The following GATM variants were observed in gnomAD, a reference collection of about 807,000 sequenced individuals.
GATM encodes glycine amidinotransferase, mitochondrial.
In GATM, 23 loss-of-function variants were observed where a neutral mutation model predicts 54.2. The ratio of observed to expected loss-of-function variants is 0.42; its 90% CI spans 0.31 to 0.60. The LOEUF is 0.60. GATM is among the 20% of genes least tolerant of loss of function. The pLI is 0.14. For synonymous variants in GATM, 168 were observed against 183.1 expected, an observed-to-expected ratio of 0.92 and a Z score of 0.67; for missense variants, 401 against 544.9, an observed-to-expected ratio of 0.74 and a Z score of 2.63.
chr15:45,368,093 T>C lies in GATM; in HGVS notation c.652A>G (p.Met218Val). 1.2e-6 allele frequency: 2 copies of C among 1,614,134 alleles called. No individual in the cohort carries two copies. The highest frequency in any genetic ancestry group is 1.7e-6 in the Non-Finnish European group (2 of 1,180,010). Residue 218 changes from methionine to valine, a missense_variant, in exon 4 of 9, where the codon ATG becomes GTG. Coordinates refer to ENST00000396659, the MANE Select transcript of GATM (RefSeq NM_001482.3). This position sits in a 1 kb window ranked among gnomAD's most constrained non-coding sequence, Gnocchi z 5.1. The stretch of plus-strand genomic sequence containing the variant: ...ACCTGGTTATAAAGCTCATCAGCCA[T>C]TGTGGGCTTAGGAGCTGTTGTCCAC... ...AKWTTAPKPT[M>V]ADELYNQDYP...
intron 3 of GATM, among the ~76,000 whole-genome samples, chr15:45,386,742 A>C (rs1889807874): frequency 6.6e-6 from 1 of 152,204 alleles, no homozygotes; most frequent in South Asian, 2.1e-4. Context: ...GGAATTGAAG[A>C]AGTAACATTA....
chr15:45,376,111 A>G (rs1346139507), intron 2 of GATM, among the ~76,000 whole-genome samples: 1 of 152,206 alleles, frequency 6.6e-6, no homozygotes, highest in African/African-American at 2.4e-5. Context: ...AAAGGCAGGA[A>G]TGAGGAGGGA....
At chr15:45,382,384 G>T (rs1234880284), upstream of GATM, among the ~76,000 whole-genome samples, 1 of 152,168 alleles carries the variant, frequency 6.6e-6, no homozygotes, top group Non-Finnish European at 1.5e-5. Flanking sequence ...GTATTCTGCT[G>T]GGTGTGGTGG....
At chr15:45,395,798 G>A (rs1207634161) in intron 3 of GATM, among the ~76,000 whole-genome samples, 1 of 152,090 alleles carries the variant, frequency 6.6e-6, no homozygotes, top group Non-Finnish European at 1.5e-5. Context: ...GTACTATAGT[G>A]CTCTGGATGT....
intron 1 of GATM, among the ~76,000 whole-genome samples, chr15:45,400,011 C>A (rs112119316): frequency 1.1e-4 from 17 of 152,236 alleles, no homozygotes; most frequent in African/African-American, 4.1e-4. Flanking sequence ...CACTTGAGGC[C>A]TGGAGTTCGA....
chr15:45,398,790 C>T (rs1298767610), intron 2 of GATM, among the ~76,000 whole-genome samples: 1 of 152,094 alleles, frequency 6.6e-6, no homozygotes, highest in Non-Finnish European at 1.5e-5. Flanking sequence ...AATGGAAATG[C>T]TGGAAAGATT....
intron 6 of GATM, among the ~76,000 whole-genome samples, 188 bp from the exon 7 acceptor site, chr15:45,365,048 A>C (rs1889427142): frequency 6.6e-6 from 1 of 152,224 alleles, no homozygotes; most frequent in Admixed American, 6.5e-5. Context: ...AATGTACATA[A>C]AATCCCCAGA....
intron 4 of GATM, among the ~76,000 whole-genome samples, chr15:45,367,044 G>A (rs1889461376): frequency 6.6e-6 from 1 of 152,008 alleles, no homozygotes; most frequent in Admixed American, 6.6e-5. Context: ...TATGTACTTA[G>A]AAAAAAATGG....
intron 7 of GATM, chr15:45,364,531 T>C: frequency 2.4e-6 from 1 of 411,090 alleles, no homozygotes; most frequent in East Asian, 4.7e-5. Context: ...CAAGACACTG[T>C]CTCAAAAAAA....
intron 1 of GATM, 76 bp downstream of exon 1, chr15:45,378,309 G>C: frequency 8.5e-7 from 1 of 1,178,474 alleles, no homozygotes; most frequent in Non-Finnish European, 1.2e-6. Context: ...CGGGCAGGGA[G>C]CGAGCGAGTG....
At chr15:45,386,254 C>T (rs534266061) in intron 3 of GATM, among the ~76,000 whole-genome samples, 81 of 152,260 alleles carry the variant, frequency 5.3e-4, no homozygotes, top group African/African-American at 1.6e-3. Flanking sequence ...AAGAAATTTA[C>T]CAAAATTTAA....
At chr15:45,379,563 A>C (rs548806111), upstream of GATM, 2 of 152,156 alleles carry the variant, frequency 1.3e-5, no homozygotes, top group Admixed American at 1.3e-4. Flanking sequence ...ATAGACTACT[A>C]TATGTCTTCC....
chr15:45,378,504 C>A lies in GATM; in HGVS notation c.-51G>T. The A allele has an allele frequency of 7.5e-7, 1 of 1,330,410 alleles. No homozygotes were observed. The highest frequency in any genetic ancestry group is 9.6e-7 in the Non-Finnish European group (1 of 1,037,440). 82.4% of individuals were successfully genotyped at this position (1,330,410 alleles called of 1,614,324 possible). On this transcript the variant is annotated 5_prime_UTR_variant, in exon 1 of 9. Coordinates refer to ENST00000396659, the MANE Select transcript of GATM (RefSeq NM_001482.3). ...CGGAATGTTCCTGGCCTCTGGGCCG[C>A]GTCGGTCCAAGCCTTCCCGAGAGCG...
upstream of GATM, among the ~76,000 whole-genome samples, chr15:45,380,943 A>G (rs1889733063): frequency 6.6e-6 from 1 of 152,080 alleles, no homozygotes; most frequent in African/African-American, 2.4e-5. Flanking sequence ...ATTCACTACA[A>G]TTATATTTTT....
At position 45,362,070 on chromosome 15, in the gene GATM, G is replaced by T; in HGVS notation, c.*39C>A. Reference sequence around the variant, plus strand: ...ATGAACCTTGCCCCTAAGCTTCTTAGGTGTATCTGAGGCCAGCCACAAGCT... The same window carrying T: ...ATGAACCTTGCCCCTAAGCTTCTTATGTGTATCTGAGGCCAGCCACAAGCT... On this transcript the variant is annotated 3_prime_UTR_variant, in exon 9 of 9. Transcript: ENST00000396659. 1 of 1,210,990 alleles carries T rather than the reference G, an allele frequency of 8.3e-7. No homozygotes were observed. The highest frequency in any genetic ancestry group is 1.2e-6 in the Non-Finnish European group (1 of 814,180). 75.0% of individuals were successfully genotyped at this position (1,210,990 alleles called of 1,614,324 possible). A position where few individuals can be genotyped will look rare whatever the true frequency, so the allele number is the denominator to read the frequency against.
chr15:45,364,183 C>A, intron 7 of GATM, 167 bp from the exon 8 acceptor site: 1 of 635,012 alleles, frequency 1.6e-6, no homozygotes, highest in East Asian at 2.8e-5. Context: ...TGGTATGAAT[C>A]AATCTGTACT....
At chr15:45,394,454 A>C (rs1228965580) in intron 3 of GATM, among the ~76,000 whole-genome samples, 2 of 152,234 alleles carry the variant, frequency 1.3e-5, no homozygotes, top group Non-Finnish European at 2.9e-5. Context: ...AACTCAAGGC[A>C]GAATTAAGCC....
In GATM at chr15:45,368,034, A is replaced by G. The variant is rs1438241044; in HGVS notation, c.675+36T>C. The G allele has an allele frequency of 6.3e-7, 1 of 1,575,444 alleles. No homozygotes were observed. Among genetic ancestry groups the G allele is most frequent in the East Asian group, 2.2e-5 (1 of 44,696 alleles). ...TTACTCTTTGTGGATCATTTAGAAA[A>G]GTTAGTAATAAGCTAGCCTATAATT... is the stretch of plus-strand genomic sequence containing the variant. On this transcript the variant is annotated intron_variant, in intron 4 of 8. Coordinates refer to ENST00000396659, the MANE Select transcript of GATM (RefSeq NM_001482.3). This position sits in a 1 kb window ranked among gnomAD's most constrained non-coding sequence, Gnocchi z 5.1.
At chr15:45,386,661 C>T (rs1410442707) in intron 3 of GATM, among the ~76,000 whole-genome samples, 2 of 152,202 alleles carry the variant, frequency 1.3e-5, no homozygotes, top group Non-Finnish European at 2.9e-5. Flanking sequence ...CTGTCTGTCT[C>T]GCTTGTTGCT....
Sources: allele counts gnomAD v4.1 joint callset (sites outside exome capture counted in the v4.1 genomes callset), GRCh38; gene constraint gnomAD v4.1.1; non-coding constraint Gnocchi (gnomAD v3.1); transcripts MANE v1.5; gene names NCBI Gene and HGNC (gene_info 2026-07-23, HGNC 2026-07-21).